Variants in TAPT1 observed in about 807,000 individuals in gnomAD.
TAPT1 encodes the protein transmembrane anterior posterior transformation 1.
Under a neutral mutation model 65.6 loss-of-function variants are expected in TAPT1, and 28 were observed. The observed-to-expected ratio is 0.43, with a 90% CI of 0.32 to 0.59. The LOEUF is 0.59. Ranked by LOEUF, TAPT1 falls within the 20% of genes least tolerant of loss-of-function variation. TAPT1 has a pLI of 0.09. For missense variants in TAPT1, 563 were observed against 679.9 expected (o/e 0.83, Z 1.91); for synonymous variants, 278 against 245.2 (o/e 1.13, Z -1.25).
At chr4:16,194,846 G>A (rs939372694) in intron 3 of TAPT1, among the ~76,000 whole-genome samples, 2 of 146,668 alleles carry the variant, frequency 1.4e-5, no homozygotes, top group Admixed American at 6.6e-5. Flanking sequence ...AAAAAACAAG[G>A]GTCTTGATTT....
chr4:16,185,334 AATCCATAT>A (rs2149686078), intron 7 of TAPT1, among the ~76,000 whole-genome samples: 1 of 152,040 alleles, frequency 6.6e-6, no homozygotes, highest in African/African-American at 2.4e-5. Context: ...GGAGAGACAT[AATCCATAT>A]AAATAAAAGT....
chr4:16,179,802 A>ATATGTGTATATATATATATATATATATG (rs966106865), intron 7 of TAPT1, 145 bp from the exon 8 acceptor site: 1 of 297,986 alleles, frequency 3.4e-6, no homozygotes, highest in African/African-American at 2.3e-5. Context: ...ATATATATAT[A>ATATGTGTATATATATATATATATATATG]TGTGTGTGTG....
chr4:16,182,691 C>T (rs915437629), intron 7 of TAPT1, among the ~76,000 whole-genome samples: 7 of 152,166 alleles, frequency 4.6e-5, no homozygotes, highest in Non-Finnish European at 8.8e-5. Flanking sequence ...ATTACCAATG[C>T]GTAAAAAACT....
At position 16,174,718 on chromosome 4, in the gene TAPT1, T is replaced by G. The variant is rs766568331; in HGVS notation, c.1119A>C (p.Glu373Asp). 6.3e-7 allele frequency: 1 copy of G among 1,586,988 alleles called. No individual in the cohort carries two copies. The highest frequency in any genetic ancestry group is 1.8e-5 in the Admixed American group (1 of 56,304). Reference sequence around the variant, plus strand: ...GGTCAAAAGCAAGACTGGCTCTATATTCACTGTAGACCTAAAAACAAACAA... The same window carrying G: ...GGTCAAAAGCAAGACTGGCTCTATAGTCACTGTAGACCTAAAAACAAACAA... ...FNDITADVYS[E>D]YRASLAFDLV... The change falls in exon 10 of 14, where the codon GAA (glutamate) becomes GAC (aspartate). Residue 373 changes from glutamate (E) to aspartate (D), a missense_variant. Transcript: ENST00000405303.
At chr4:16,168,440 C>T (rs970925070) in intron 12 of TAPT1, among the ~76,000 whole-genome samples, 10 of 152,190 alleles carry the variant, frequency 6.6e-5, no homozygotes, top group African/African-American at 1.9e-4. Context: ...CTCCCGTCCC[C>T]GGGCCCTCCT....
chr4:16,170,757 A>C (rs1423108814), intron 11 of TAPT1, 28 bp from the exon 12 acceptor site: 1 of 1,540,538 alleles, frequency 6.5e-7, no homozygotes, highest in Non-Finnish European at 9.0e-7. Flanking sequence ...AAAACAACAA[A>C]AACACACAAA....
chr4:16,194,965 C>T (rs904392984), intron 3 of TAPT1, among the ~76,000 whole-genome samples: 3 of 152,036 alleles, frequency 2.0e-5, no homozygotes, highest in African/African-American at 7.3e-5. Flanking sequence ...CTCCTGACCT[C>T]AGGTGATCCA....
intron 3 of TAPT1, among the ~76,000 whole-genome samples, chr4:16,200,844 T>C (rs1749986331): frequency 1.3e-5 from 2 of 152,220 alleles, no homozygotes; most frequent in Admixed American, 1.3e-4. Context: ...TTAGTATTAA[T>C]GCACCACGCT....
rs556899941 is a variant in TAPT1 at position 16,171,832 on chromosome 4, T to C, written c.1237-1103A>G. On this transcript the variant is annotated intron_variant, in intron 11 of 13. Coordinates refer to ENST00000405303, the MANE Select transcript of TAPT1 (RefSeq NM_153365.3). ...TAAATAACTATACTTTCACCTAGCATATTATCAGTTAACTTTTACTCAGTC... is the reference window on the plus strand; with the variant it reads ...TAAATAACTATACTTTCACCTAGCACATTATCAGTTAACTTTTACTCAGTC... Among the ~76,000 whole-genome samples, 4 of 152,334 alleles carry C rather than the reference T, an allele frequency of 2.6e-5. No individual in the cohort carries two copies. The East Asian group carries it at 7.7e-4, about 29-fold the overall frequency.
chr4:16,163,140 C>A lies in TAPT1; in HGVS notation c.*168G>T. On this transcript the variant is annotated 3_prime_UTR_variant, in exon 14 of 14. Transcript: ENST00000405303. ...AGGTCGCTCCTGTCCTGTGGTCTGA[C>A]CCTCAGCCAGGCCATATTACTGGAA... 1.5e-6 allele frequency: 1 copy of A among 664,924 alleles called. No homozygotes were observed. Among genetic ancestry groups the A allele is most frequent in the Non-Finnish European group, 2.7e-6 (1 of 369,420 alleles). 41.2% of individuals were successfully genotyped at this position (664,924 alleles called of 1,614,324 possible).
intron 3 of TAPT1, among the ~76,000 whole-genome samples, chr4:16,195,059 T>C (rs28726676): frequency 0.17 from 26,370 of 151,964 alleles, 4,578 homozygotes; most frequent in African/African-American, 0.45. Flanking sequence ...TAAATGTCCT[T>C]GTTAATAAAA....
At position 16,214,032 on chromosome 4, in the gene TAPT1, G is replaced by A. The variant is rs1447261753; in HGVS notation, c.200-134C>T. On this transcript the variant is annotated intron_variant, in intron 1 of 13. Transcript: ENST00000405303. ...AATGTTATCTATAATTCTATGCCTA[G>A]AACTGCACACAATGATCAGCAAGTA... 7 of 618,904 alleles carry A rather than the reference G, an allele frequency of 1.1e-5. No homozygotes were observed. In the Admixed American group the frequency reaches 2.5e-4, roughly 22 times the overall value. The allele number at this position is 618,904 out of a possible 1,614,324, so 38.3% of individuals were successfully genotyped here. A position where few individuals can be genotyped will look rare whatever the true frequency, so the allele number is the denominator to read the frequency against.
chr4:16,212,113 A>T (rs1750681533), intron 2 of TAPT1, among the ~76,000 whole-genome samples: 1 of 152,212 alleles, frequency 6.6e-6, no homozygotes, highest in Non-Finnish European at 1.5e-5. Flanking sequence ...GAGGGGTAAT[A>T]AAAGGGGTGA....
intron 7 of TAPT1, chr4:16,183,108 TA>T (rs1748809273): frequency 6.6e-6 from 1 of 152,236 alleles, no homozygotes. Flanking sequence ...CATATTCATA[TA>T]AAGAGTAAAA....
chr4:16,168,120 C>CT (rs113471433), intron 12 of TAPT1, among the ~76,000 whole-genome samples: 70,218 of 148,616 alleles, frequency 0.47, 17,463 homozygotes, highest in African/African-American at 0.66. Context: ...AGTTGGTTTT[C>CT]TTTTTTTTTT....
chr4:16,222,961 C>T (rs567886847), intron 1 of TAPT1, among the ~76,000 whole-genome samples: 1 of 152,230 alleles, frequency 6.6e-6, no homozygotes, highest in East Asian at 1.9e-4. Context: ...TATCCCCATG[C>T]ATCTCCAACA....
intron 1 of TAPT1, among the ~76,000 whole-genome samples, chr4:16,218,376 C>T: frequency 6.6e-6 from 1 of 152,226 alleles, no homozygotes; most frequent in East Asian, 1.9e-4. Context: ...TGTACTCCAG[C>T]CTGGGTGACA....
chr4:16,177,819 GTTTTT>G lies in TAPT1; in HGVS notation c.998-1596_998-1592del, dbSNP rs113909054. Among the ~76,000 whole-genome samples, 419 of 148,810 alleles carry G rather than the reference GTTTTT, an allele frequency of 2.8e-3. 2 individuals are homozygous for G. The highest frequency in any genetic ancestry group is 4.0e-3 in the Non-Finnish European group (269 of 66,990). ...ACCTTCCATAAATGGCACTTTGTTG[GTTTTT>G]TTTTTTAAGAAATTTTAATAAACCT... On this transcript the variant is annotated intron_variant, in intron 8 of 13. Coordinates refer to ENST00000405303, the MANE Select transcript of TAPT1 (RefSeq NM_153365.3).
At chr4:16,221,498 A>G (rs1438488661) in intron 1 of TAPT1, among the ~76,000 whole-genome samples, 2 of 152,226 alleles carry the variant, frequency 1.3e-5, no homozygotes, top group Admixed American at 1.3e-4. Context: ...TAAATTCAGA[A>G]AAAGCATAGT....
Sources: gnomAD v4.1 joint callset for allele counts (sites outside exome capture counted in the v4.1 genomes callset) on GRCh38, gnomAD v4.1.1 for gene constraint, MANE v1.5 for transcripts, NCBI Gene and HGNC (gene_info 2026-07-23, HGNC 2026-07-21) for gene names.